Variants in CSMD1 observed in about 807,000 individuals in gnomAD.
The protein encoded by CSMD1 is CUB and sushi domain-containing protein 1.
CSMD1 carries 213 observed loss-of-function variants against 417.5 expected under a neutral mutation model. The ratio of observed to expected loss-of-function variants is 0.51; its 90% CI spans 0.46 to 0.57. The LOEUF (loss-of-function observed/expected upper bound fraction) is 0.57, where lower values mean the gene tolerates loss of function less well. Among genes scored for constraint, CSMD1 ranks in the 20% least tolerant of loss-of-function variants. The probability of loss-of-function intolerance (pLI) is 0.00; values close to 1 mark genes in which losing one functional copy is unlikely to be tolerated. For synonymous variants in CSMD1, 2,862 were observed against 1,736.8 expected (o/e 1.65, Z -16.11); for missense variants, 6,923 against 4,529.7 (o/e 1.53, Z -15.17).
intron 3 of CSMD1, among the ~76,000 whole-genome samples, chr8:4,416,065 G>T (rs1013193684): frequency 6.6e-6 from 1 of 152,108 alleles, no homozygotes; most frequent in Non-Finnish European, 1.5e-5. Context: ...CCTAAGAAAA[G>T]ACATGAATAA....
intron 62 of CSMD1, among the ~76,000 whole-genome samples, chr8:2,959,644 G>C (rs895743383): frequency 6.6e-6 from 1 of 152,132 alleles, no homozygotes; most frequent in African/African-American, 2.4e-5. Context: ...GGACACGCTG[G>C]CTGGAGAACG....
In CSMD1 at chr8:4,031,969, G is replaced by C. The variant is rs1391334204; in HGVS notation, c.546C>G (p.Ile182Met). The C allele has an allele frequency of 2.7e-5, 43 of 1,613,898 alleles. No individual in the cohort carries two copies. Among genetic ancestry groups the C allele is most frequent in the Non-Finnish European group, 3.6e-5 (42 of 1,179,916 alleles). ...LPGYILEGHA[I>M]LTCIVSPGNG... ...TTCCTGGGCTGACGATGCAGGTCAG[G>C]ATGGCGTGGCCTTCCAAGATGTAGC... The change falls in exon 4 of 70, where the codon ATC (isoleucine) becomes ATG (methionine). Residue 182 changes from isoleucine (I) to methionine (M), a missense_variant. Transcript: ENST00000635120.
chr8:3,421,641 C>T (rs139345779), intron 12 of CSMD1, among the ~76,000 whole-genome samples: 3 of 152,010 alleles, frequency 2.0e-5, no homozygotes, highest in Non-Finnish European at 4.4e-5. Flanking sequence ...CTACAGATGT[C>T]TTTTTCTTTT....
intron 37 of CSMD1, among the ~76,000 whole-genome samples, chr8:3,169,271 T>C (rs567239422): frequency 6.6e-6 from 1 of 152,198 alleles, no homozygotes; most frequent in Admixed American, 6.5e-5. Flanking sequence ...TTCAGGACTT[T>C]GGATTTGGCA....
chr8:4,672,754 C>T (rs1805406410), intron 1 of CSMD1, among the ~76,000 whole-genome samples: 1 of 151,614 alleles, frequency 6.6e-6, no homozygotes, highest in South Asian at 2.1e-4. Context: ...CAGTGACATA[C>T]CCAGTCACAT....
At chr8:3,405,129 G>A (rs188151468) in intron 15 of CSMD1, among the ~76,000 whole-genome samples, 171 of 152,126 alleles carry the variant, frequency 1.1e-3, no homozygotes, top group Non-Finnish European at 1.9e-3. Flanking sequence ...TCAATAATAC[G>A]TCTCATTCAC....
chr8:4,357,846 A>G (rs998956161), intron 3 of CSMD1, among the ~76,000 whole-genome samples: 1 of 152,180 alleles, frequency 6.6e-6, no homozygotes. Flanking sequence ...TGTGAGTAAT[A>G]TCACTTAAAA....
In CSMD1 at chr8:3,110,320, T is replaced by A; in HGVS notation, c.6446A>T (p.Asn2149Ile). 1 of 1,610,912 alleles carries A rather than the reference T, an allele frequency of 6.2e-7. No individual in the cohort carries two copies. The highest frequency in any genetic ancestry group is 2.2e-5 in the East Asian group (1 of 44,812). ...GATGGTGCCGTTCTGAGAAGTTACG[T>A]TGTACCCACAAGGGGCTGCAAAGGA... is the stretch of plus-strand genomic sequence containing the variant. The part of the protein sequence containing the change: ...FPRCDAPCGY[N>I]VTSQNGTIYS... The change falls in exon 43 of 70, where the codon AAC (asparagine) becomes ATC (isoleucine). Residue 2149 changes from asparagine to isoleucine, a missense_variant. By Grantham distance (149) the Asn-to-Ile change is moderately radical (BLOSUM62 -3). Transcript: ENST00000635120.
At chr8:4,601,194 A>T (rs574619538) in intron 2 of CSMD1, among the ~76,000 whole-genome samples, 1 of 152,054 alleles carries the variant, frequency 6.6e-6, no homozygotes, top group Non-Finnish European at 1.5e-5. Flanking sequence ...ACCTCAGATG[A>T]TCCCCCACAC....
intron 3 of CSMD1, among the ~76,000 whole-genome samples, chr8:4,260,889 A>T (rs1275371928): frequency 3.9e-5 from 6 of 152,290 alleles, no homozygotes; most frequent in African/African-American, 9.6e-5. Context: ...GTCGTGTTTG[A>T]TATTATGATA....
At chr8:4,189,737 A>T (rs913845104) in intron 3 of CSMD1, among the ~76,000 whole-genome samples, 2 of 152,214 alleles carry the variant, frequency 1.3e-5, no homozygotes, top group Non-Finnish European at 2.9e-5. Context: ...TACTTTTGAC[A>T]TTAGAAATCT....
At chr8:4,437,219 T>C (rs1197800475) in intron 2 of CSMD1, among the ~76,000 whole-genome samples, 1 of 152,146 alleles carries the variant, frequency 6.6e-6, no homozygotes, top group Non-Finnish European at 1.5e-5. Flanking sequence ...GACTGACCAA[T>C]GTATCAAATT....
intron 5 of CSMD1, among the ~76,000 whole-genome samples, chr8:3,765,566 C>G (rs1367441919): frequency 2.0e-5 from 3 of 152,210 alleles, no homozygotes; most frequent in Non-Finnish European, 2.9e-5. Context: ...AAAGCCTTAA[C>G]AAGTCAATTC....
At chr8:3,445,446 T>G (rs1368391668) in intron 12 of CSMD1, among the ~76,000 whole-genome samples, 1 of 152,196 alleles carries the variant, frequency 6.6e-6, no homozygotes, top group Non-Finnish European at 1.5e-5. Context: ...GAAAGTGAAT[T>G]ACAAAGTGAG....
intron 3 of CSMD1, among the ~76,000 whole-genome samples, chr8:4,248,672 C>G (rs1802858335): frequency 1.3e-5 from 2 of 152,160 alleles, no homozygotes; most frequent in African/African-American, 4.8e-5. Context: ...CATCAGCCTC[C>G]TGTCCTGCCC....
chr8:3,751,054 C>A (rs1433344955), intron 6 of CSMD1, among the ~76,000 whole-genome samples: 2 of 152,046 alleles, frequency 1.3e-5, no homozygotes, highest in Non-Finnish European at 2.9e-5. Flanking sequence ...CTTCCACAGG[C>A]AGTCTGCGTA....
At chr8:3,481,801 C>T (rs554292285) in intron 11 of CSMD1, among the ~76,000 whole-genome samples, 1 of 152,296 alleles carries the variant, frequency 6.6e-6, no homozygotes, top group South Asian at 2.1e-4. Context: ...GGGATGAATT[C>T]TTCCCCAGGG....
At chr8:4,565,241 G>A (rs1044860166) in intron 2 of CSMD1, among the ~76,000 whole-genome samples, 3 of 152,146 alleles carry the variant, frequency 2.0e-5, no homozygotes, top group African/African-American at 7.2e-5. Context: ...ATTGGATTAA[G>A]AATGCCTCAT....
Position 3,151,479 on chromosome 8 carries a change from A to C in CSMD1, c.5949T>G (p.Gly1983=), listed in dbSNP as rs1244214418. ...CTGGGAAGCCGGGGCTCAGGATCAC[A>C]CCACCCAAGGTGCTCAGCGTCCCTC... ...TCGGTLSTLG[G]VILSPGFPGS... Residue 1983 remains glycine (G), a synonymous_variant, in exon 40 of 70, where the codon GGT becomes GGG. Transcript: ENST00000635120. 5 of 1,613,486 alleles carry C rather than the reference A, an allele frequency of 3.1e-6. No individual in the cohort carries two copies. Among genetic ancestry groups the C allele is most frequent in the Non-Finnish European group, 4.2e-6 (5 of 1,179,806 alleles).
Sources: allele counts gnomAD v4.1 joint callset (sites outside exome capture counted in the v4.1 genomes callset), GRCh38; gene constraint gnomAD v4.1.1; transcripts MANE v1.5; gene names NCBI Gene and HGNC (gene_info 2026-07-23, HGNC 2026-07-21).